MACROD2: variants seen among roughly 807,000 people sequenced by gnomAD.
MACROD2 encodes the protein mono-ADP ribosylhydrolase 2.
In MACROD2, 36 loss-of-function variants were observed where a neutral mutation model predicts 70.4. The ratio of observed to expected loss-of-function variants is 0.51; its 90% CI spans 0.39 to 0.68. The LOEUF is 0.68. MACROD2 is among the 30% of genes least tolerant of loss of function. The pLI is 0.00. For synonymous variants in MACROD2, 172 were observed against 178.8 expected (o/e 0.96, Z 0.30); for missense variants, 496 against 538.4 (o/e 0.92, Z 0.78).
At chr20:14,129,958 C>A (rs1218454743) in intron 3 of MACROD2, among the ~76,000 whole-genome samples, 2 of 152,046 alleles carry the variant, frequency 1.3e-5, no homozygotes, top group African/African-American at 4.8e-5. Context: ...TTGTGTGACT[C>A]GCTTTATTGC....
intron 8 of MACROD2, among the ~76,000 whole-genome samples, chr20:15,534,891 G>C (rs551593979): frequency 6.6e-6 from 1 of 152,184 alleles, no homozygotes; most frequent in Non-Finnish European, 1.5e-5. Flanking sequence ...TTCAGCTTCT[G>C]AATTCAACTC....
chr20:14,078,222 A>G (rs931948632), intron 2 of MACROD2, among the ~76,000 whole-genome samples: 2 of 151,432 alleles, frequency 1.3e-5, no homozygotes, highest in Non-Finnish European at 2.9e-5. Context: ...CTTTTAAGTA[A>G]TCTGCCTAGG....
At chr20:14,426,134 A>T (rs1219099795) in intron 3 of MACROD2, among the ~76,000 whole-genome samples, 1 of 152,056 alleles carries the variant, frequency 6.6e-6, no homozygotes, top group Non-Finnish European at 1.5e-5. Context: ...GAATTGTCTA[A>T]ATTATATCAT....
At chr20:14,362,622 G>A (rs556292710) in intron 3 of MACROD2, among the ~76,000 whole-genome samples, 28 of 152,134 alleles carry the variant, frequency 1.8e-4, no homozygotes, top group Middle Eastern at 6.8e-3. Context: ...AGACCCCTAC[G>A]AAAACCAAAC....
At chr20:15,071,489 G>C (rs1179040328) in intron 5 of MACROD2, among the ~76,000 whole-genome samples, 11 of 152,160 alleles carry the variant, frequency 7.2e-5, no homozygotes, top group African/African-American at 2.2e-4. Context: ...AGAGAAAAGA[G>C]AGGAGAAAAT....
At chr20:14,388,219 CGCCAGGATGGTCTCGATCTCCTGACTT>C (rs2083489066) in intron 3 of MACROD2, among the ~76,000 whole-genome samples, 1 of 151,708 alleles carries the variant, frequency 6.6e-6, no homozygotes, top group African/African-American at 2.4e-5. Flanking sequence ...TCACTGTGTT[CGCCAGGATGGTCTCGATCTCCTGACTT>C]CGTGATCCAC....
chr20:14,644,688 A>C (rs1388038347), intron 4 of MACROD2, among the ~76,000 whole-genome samples: 1 of 152,192 alleles, frequency 6.6e-6, no homozygotes, highest in African/African-American at 2.4e-5. Flanking sequence ...ATGACAGAAA[A>C]TTGGTGCTGA....
chr20:15,437,833 CTT>C (rs879752171), intron 7 of MACROD2, among the ~76,000 whole-genome samples: 1 of 151,194 alleles, frequency 6.6e-6, no homozygotes, highest in Admixed American at 6.6e-5. Flanking sequence ...ACATAATCTC[CTT>C]TTTTTTTATG....
intron 5 of MACROD2, among the ~76,000 whole-genome samples, chr20:15,124,643 T>C (rs967682771): frequency 1.6e-4 from 25 of 152,058 alleles, no homozygotes; most frequent in Non-Finnish European, 3.1e-4. Flanking sequence ...CTCCTTACCA[T>C]TTTTTCTATG....
intron 3 of MACROD2, among the ~76,000 whole-genome samples, chr20:14,357,828 A>C (rs1399302509): frequency 6.6e-6 from 1 of 152,240 alleles, no homozygotes; most frequent in Non-Finnish European, 1.5e-5. Context: ...CAATTCATGC[A>C]AATAAACTTG....
intron 5 of MACROD2, among the ~76,000 whole-genome samples, chr20:15,161,776 C>T (rs1039389645): frequency 1.3e-5 from 2 of 151,944 alleles, no homozygotes; most frequent in Non-Finnish European, 2.9e-5. Context: ...TTAATTTCTA[C>T]GTAGATGCAG....
At chr20:14,025,218 C>T (rs1305755704) in intron 2 of MACROD2, among the ~76,000 whole-genome samples, 4 of 151,992 alleles carry the variant, frequency 2.6e-5, no homozygotes, top group African/African-American at 9.7e-5. Flanking sequence ...TGGTGATCTC[C>T]CCTTTATCAT....
At chr20:14,174,062 G>C (rs1203009266) in intron 3 of MACROD2, among the ~76,000 whole-genome samples, 2 of 152,132 alleles carry the variant, frequency 1.3e-5, no homozygotes, top group African/African-American at 4.8e-5. Context: ...GTCCTTGGTT[G>C]TGTTTTTGTG....
chr20:15,069,315 A>T (rs975785993), intron 5 of MACROD2, among the ~76,000 whole-genome samples: 1 of 152,244 alleles, frequency 6.6e-6, no homozygotes, highest in Non-Finnish European at 1.5e-5. Context: ...AAAAATTTGG[A>T]AAATTCACAA....
chr20:14,482,648 T>C (rs1046027188), intron 3 of MACROD2, among the ~76,000 whole-genome samples: 2 of 151,898 alleles, frequency 1.3e-5, no homozygotes, highest in East Asian at 1.9e-4. Context: ...ATGATGTGTG[T>C]AGATTGGAAA....
chr20:14,368,939 C>T (rs1367153638), intron 3 of MACROD2, among the ~76,000 whole-genome samples: 1 of 152,192 alleles, frequency 6.6e-6, no homozygotes, highest in Non-Finnish European at 1.5e-5. Context: ...TCTGTCTTAG[C>T]CTTCATTTCC....
intron 3 of MACROD2, among the ~76,000 whole-genome samples, chr20:14,154,159 C>G (rs935581071): frequency 1.2e-4 from 19 of 152,252 alleles, no homozygotes; most frequent in African/African-American, 4.6e-4. Flanking sequence ...CCTCATGGTG[C>G]TGATGACTTG....
chr20:14,136,006 A>G (rs994521572), intron 3 of MACROD2, among the ~76,000 whole-genome samples: 1 of 152,208 alleles, frequency 6.6e-6, no homozygotes, highest in African/African-American at 2.4e-5. Context: ...AGGAAGAAAA[A>G]TAAATAAAAG....
At chr20:15,201,645 A>C (rs2076657070) in intron 5 of MACROD2, among the ~76,000 whole-genome samples, 1 of 152,166 alleles carries the variant, frequency 6.6e-6, no homozygotes, top group Non-Finnish European at 1.5e-5. Flanking sequence ...AATCTTTTGC[A>C]CTTAAGGTAT....
Sources: gnomAD v4.1 joint callset for allele counts (sites outside exome capture counted in the v4.1 genomes callset) on GRCh38, gnomAD v4.1.1 for gene constraint, MANE v1.5 for transcripts, NCBI Gene and HGNC (gene_info 2026-07-23, HGNC 2026-07-21) for gene names.